The following THSD7B variants were observed in gnomAD, a reference collection of about 807,000 sequenced individuals.
The protein encoded by THSD7B is thrombospondin type-1 domain-containing protein 7B.
A neutral mutation model predicts 213.6 loss-of-function variants in THSD7B; 138 were observed. The ratio of observed to expected loss-of-function variants is 0.65; its 90% CI spans 0.56 to 0.74. THSD7B has a LOEUF of 0.74. Among genes scored for constraint, THSD7B ranks in the 30% least tolerant of loss-of-function variants. THSD7B has a pLI of 0.00. For missense variants in THSD7B, 1,931 were observed against 1,991.5 expected, an observed-to-expected ratio of 0.97 and a Z score of 0.58; for synonymous variants, 742 against 687.0, an observed-to-expected ratio of 1.08 and a Z score of -1.25.
At position 137,003,753 on chromosome 2, in the gene THSD7B, A is replaced by G. The variant is rs566421708; in HGVS notation, c.140-52667A>G. 2.6e-5 allele frequency among the ~76,000 whole-genome samples: 4 copies of G among 152,276 alleles called. No homozygotes were observed. In the East Asian group the frequency reaches 7.7e-4, roughly 29 times the overall value. On this transcript the variant is annotated intron_variant, in intron 2 of 27. Transcript: ENST00000409968. ...CCATGCATTTGCTAGCTCTTCAGTC[A>G]TCACAGCTAATCCTCAGGTGAAAGG...
intron 15 of THSD7B, among the ~76,000 whole-genome samples, chr2:137,461,466 A>G (rs2105080209): frequency 6.6e-6 from 1 of 152,192 alleles, no homozygotes; most frequent in African/African-American, 2.4e-5. Flanking sequence ...CCTAGTCCTG[A>G]GTCATATATC....
At chr2:137,053,614 A>C (rs1371849244) in intron 2 of THSD7B, among the ~76,000 whole-genome samples, 1 of 152,166 alleles carries the variant, frequency 6.6e-6, no homozygotes, top group African/African-American at 2.4e-5. Flanking sequence ...AATGCTTTAA[A>C]AGTAAAGACA....
chr2:137,450,740 C>A, intron 14 of THSD7B, 105 bp from the exon 15 acceptor site: 2 of 855,704 alleles, frequency 2.3e-6, no homozygotes, highest in Non-Finnish European at 3.4e-6. Flanking sequence ...GAAGCCACTA[C>A]AGCAATATTG....
At chr2:137,236,996 A>G (rs987833802) in intron 9 of THSD7B, among the ~76,000 whole-genome samples, 5 of 151,970 alleles carry the variant, frequency 3.3e-5, no homozygotes, top group Non-Finnish European at 7.4e-5. Context: ...CTGTAATCCC[A>G]GCTACTCGGG....
intron 7 of THSD7B, among the ~76,000 whole-genome samples, chr2:137,229,265 A>G (rs999266069): frequency 6.6e-6 from 1 of 152,144 alleles, no homozygotes; most frequent in Admixed American, 6.6e-5. Context: ...AATATTCACA[A>G]GTGTGGAAAT....
chr2:137,272,219 AAAG>A (rs1682760721), intron 10 of THSD7B, among the ~76,000 whole-genome samples: 1 of 152,154 alleles, frequency 6.6e-6, no homozygotes, highest in Non-Finnish European at 1.5e-5. Context: ...TTTGGAGATC[AAAG>A]AAGGTTTCTG....
intron 12 of THSD7B, among the ~76,000 whole-genome samples, chr2:137,382,103 C>G (rs963393425): frequency 6.6e-6 from 1 of 152,170 alleles, no homozygotes; most frequent in African/African-American, 2.4e-5. Context: ...GACAGTACCA[C>G]TACGTGGTGG....
chr2:137,675,943 A>AACTT (rs1683690497), intron 27 of THSD7B, among the ~76,000 whole-genome samples: 3 of 152,190 alleles, frequency 2.0e-5, no homozygotes, highest in Admixed American at 1.3e-4. Context: ...GAATGTTGTT[A>AACTT]ACTTAAGCTT....
In THSD7B at chr2:137,616,066, T is replaced by C. The variant is rs1682379481; in HGVS notation, c.3424-109T>C. On this transcript the variant is annotated intron_variant, in intron 17 of 27. Coordinates refer to ENST00000409968, the MANE Select transcript of THSD7B (RefSeq NM_001316349.2). ...TAAGTAATATGTTTAACCCTCTAGA[T>C]AATCTATTCCCTATATTGTTACATA... 7.2e-6 allele frequency: 8 copies of C among 1,113,168 alleles called. No individual in the cohort carries two copies. In the South Asian group the frequency reaches 1.5e-4, roughly 21 times the overall value. The allele number at this position is 1,113,168 out of a possible 1,614,324, so 69.0% of individuals were successfully genotyped here.
rs559659524 is a variant in THSD7B at position 136,953,957 on chromosome 2, GTGAATAGTTA to G, written c.139+71642_139+71651del. 7.2e-5 allele frequency among the ~76,000 whole-genome samples: 11 copies of G among 152,296 alleles called. No homozygotes were observed. The South Asian group carries it at 2.3e-3, about 32-fold the overall frequency. ...CAGAAATACAGCCTAACCCAGTCATGTGAATAGTTATTTGCCCCAAGATTTTATTTTAGAG... is the reference window on the plus strand; with the variant it reads ...CAGAAATACAGCCTAACCCAGTCATGTTTGCCCCAAGATTTTATTTTAGAG... On this transcript the variant is annotated intron_variant, in intron 2 of 27. Coordinates refer to ENST00000409968, the MANE Select transcript of THSD7B (RefSeq NM_001316349.2).
chr2:137,495,593 G>T (rs1679542841), intron 15 of THSD7B, among the ~76,000 whole-genome samples: 1 of 152,016 alleles, frequency 6.6e-6, no homozygotes, highest in African/African-American at 2.4e-5. Context: ...TAATTTAAAA[G>T]ACCCAACACT....
At position 137,077,396 on chromosome 2, in the gene THSD7B, G is replaced by A. The variant is rs187460289; in HGVS notation, c.951-17477G>A. 7.9e-5 allele frequency among the ~76,000 whole-genome samples: 12 copies of A among 152,244 alleles called. No homozygotes were observed. In the South Asian group the frequency reaches 1.0e-3, roughly 13 times the overall value. On this transcript the variant is annotated intron_variant, in intron 3 of 27. Transcript: ENST00000409968. ...TCTAACTCTAGATCCCTGAGGAATCGCCACACTGACTTCCACAATGGTTGA... is the reference window on the plus strand; with the variant it reads ...TCTAACTCTAGATCCCTGAGGAATCACCACACTGACTTCCACAATGGTTGA...
intron 7 of THSD7B, among the ~76,000 whole-genome samples, chr2:137,196,981 G>C (rs72989773): frequency 0.038 from 5,783 of 152,218 alleles, 384 homozygotes; most frequent in African/African-American, 0.13. Flanking sequence ...TCAGTTCTGT[G>C]CTATGCCTGC....
At chr2:137,213,141 A>G (rs755212550) in intron 7 of THSD7B, among the ~76,000 whole-genome samples, 5 of 151,488 alleles carry the variant, frequency 3.3e-5, no homozygotes, top group Admixed American at 6.6e-5. Context: ...AAGAATATTA[A>G]TATATTGGGA....
At chr2:137,412,236 A>G (rs1336841643) in intron 14 of THSD7B, among the ~76,000 whole-genome samples, 1 of 151,922 alleles carries the variant, frequency 6.6e-6, no homozygotes, top group Non-Finnish European at 1.5e-5. Flanking sequence ...CATAGAAGGC[A>G]TCAGAACTTG....
At chr2:136,902,772 A>G (rs1353680583) in intron 2 of THSD7B, among the ~76,000 whole-genome samples, 1 of 152,252 alleles carries the variant, frequency 6.6e-6, no homozygotes, top group Non-Finnish European at 1.5e-5. Flanking sequence ...GTGATGTGTT[A>G]GAAGGCCAGG....
At chr2:136,890,300 A>T (rs551984943) in intron 2 of THSD7B, among the ~76,000 whole-genome samples, 11 of 682 alleles carry the variant, frequency 0.016, 5 homozygotes, top group Non-Finnish European at 0.024. Flanking sequence ...TCCATGTCCT[A>T]CTCCTTCTTC....
intron 4 of THSD7B, among the ~76,000 whole-genome samples, chr2:137,097,887 G>T (rs1259384613): frequency 6.6e-6 from 1 of 152,086 alleles, no homozygotes; most frequent in Non-Finnish European, 1.5e-5. Flanking sequence ...GTTCCATAGG[G>T]AGAATAATGT....
chr2:137,327,770 A>G (rs933314698), intron 12 of THSD7B, among the ~76,000 whole-genome samples: 1 of 152,250 alleles, frequency 6.6e-6, no homozygotes, highest in African/African-American at 2.4e-5. Context: ...GTTAGATAAT[A>G]AAATTAGTTA....
Sources: gnomAD v4.1 joint callset for allele counts (sites outside exome capture counted in the v4.1 genomes callset) on GRCh38, gnomAD v4.1.1 for gene constraint, MANE v1.5 for transcripts, NCBI Gene and HGNC (gene_info 2026-07-23, HGNC 2026-07-21) for gene names.